Variants in PLCH1 observed in about 807,000 individuals in gnomAD.
The protein encoded by PLCH1 is 1-phosphatidylinositol 4,5-bisphosphate phosphodiesterase eta-1.
A neutral mutation model predicts 126.7 loss-of-function variants in PLCH1; 60 were observed. The observed-to-expected ratio is 0.47, with a 90% CI of 0.38 to 0.59. The LOEUF is 0.59. Among genes scored for constraint, PLCH1 ranks in the 20% least tolerant of loss-of-function variants. The probability of loss-of-function intolerance (pLI) is 0.00; values close to 1 mark genes in which losing one functional copy is unlikely to be tolerated. For missense variants in PLCH1, 1,723 were observed against 2,040.0 expected (o/e 0.84, Z 2.99); for synonymous variants, 719 against 734.9 (o/e 0.98, Z 0.35).
intron 2 of PLCH1, among the ~76,000 whole-genome samples, chr3:155,604,943 G>A (rs1214933103): frequency 2.0e-5 from 3 of 152,298 alleles, no homozygotes; most frequent in African/African-American, 7.2e-5. Context: ...CGAATCTGGT[G>A]TACTTTGTGC....
chr3:155,568,971 T>G (rs1728873018), intron 6 of PLCH1, among the ~76,000 whole-genome samples: 1 of 152,208 alleles, frequency 6.6e-6, no homozygotes, highest in South Asian at 2.1e-4. Flanking sequence ...AAGAGGTTAC[T>G]TACCTTTTCT....
chr3:155,452,312 G>T (rs1712329945), intron 21 of PLCH1, among the ~76,000 whole-genome samples: 1 of 152,110 alleles, frequency 6.6e-6, no homozygotes, highest in Non-Finnish European at 1.5e-5. Flanking sequence ...ATTGCCCCAT[G>T]CTTCAAATTA....
chr3:155,468,998 C>A (rs181259721), intron 21 of PLCH1, among the ~76,000 whole-genome samples: 8 of 152,300 alleles, frequency 5.3e-5, no homozygotes, highest in Non-Finnish European at 1.0e-4. Flanking sequence ...GGGTCATTCT[C>A]AAGGACAGAC....
rs10684622 is a variant in PLCH1 at position 155,712,994 on chromosome 3, T to TAAA, written c.-40-8733_-40-8731dup. Among the ~76,000 whole-genome samples, 1,185 of 143,016 alleles carry TAAA rather than the reference T, an allele frequency of 8.3e-3. 16 individuals are homozygous for TAAA. Among genetic ancestry groups the TAAA allele is most frequent in the African/African-American group, 0.029 (1,135 of 39,164 alleles). The allele number at this position is 143,016 out of a possible 152,430, so 93.8% of individuals were successfully genotyped here. ...CAATTTTCCATTTATATCTTGTCTT[T>TAAA]AAAAAAAAAAAAGCCCTTACAATAG... On this transcript the variant is annotated intron_variant, in intron 1 of 22. Coordinates refer to ENST00000460012, the MANE Select transcript of PLCH1 (RefSeq NM_014996.4).
intron 2 of PLCH1, among the ~76,000 whole-genome samples, chr3:155,665,188 C>A (rs1272175097): frequency 6.6e-6 from 1 of 152,112 alleles, no homozygotes; most frequent in Non-Finnish European, 1.5e-5. Context: ...AAGACAGAAG[C>A]AGCCTGGGCC....
At chr3:155,565,950 G>A (rs938900037) in intron 7 of PLCH1, among the ~76,000 whole-genome samples, 5 of 150,782 alleles carry the variant, frequency 3.3e-5, no homozygotes, top group Admixed American at 6.6e-5. Context: ...TGCCCGCCTC[G>A]GCTTCCCAAA....
chr3:155,538,567 A>C (rs1723767803), intron 10 of PLCH1, among the ~76,000 whole-genome samples: 1 of 152,186 alleles, frequency 6.6e-6, no homozygotes, highest in Admixed American at 6.5e-5. Context: ...AATGAGAGAT[A>C]TTACAACCGA....
chr3:155,485,451 G>C lies in PLCH1; in HGVS notation c.2879C>G (p.Pro960Arg), dbSNP rs1434567390. The C allele has an allele frequency of 6.2e-7, 1 of 1,614,098 alleles. No individual in the cohort carries two copies. Among genetic ancestry groups the C allele is most frequent in the Non-Finnish European group, 8.5e-7 (1 of 1,179,950 alleles). Reference protein sequence around the residue: ...RRTTRSLQARPVSMPVDRNLL... With the variant: ...RRTTRSLQARRVSMPVDRNLL... ...GTTTCTGTCAACAGGCATAGAGACA[G>C]GGCGTGCTTGCAAACTGCGTGTGGT... The change falls in exon 22 of 23, where the codon CCT becomes CGT. Residue 960 changes from proline to arginine, a missense_variant. Pro to Arg is a moderately radical substitution (Grantham distance 103). Transcript: ENST00000460012.
intron 21 of PLCH1, among the ~76,000 whole-genome samples, chr3:155,453,773 T>C (rs1712371963): frequency 6.6e-6 from 1 of 151,300 alleles, no homozygotes; most frequent in African/African-American, 2.4e-5. Context: ...AATTTATGAT[T>C]AATTTCTGAT....
At chr3:155,649,954 G>A (rs1485700808) in intron 2 of PLCH1, among the ~76,000 whole-genome samples, 1 of 151,972 alleles carries the variant, frequency 6.6e-6, no homozygotes, top group Non-Finnish European at 1.5e-5. Flanking sequence ...CTCCAGCCTG[G>A]GCGACAGAGT....
rs990629655 is a variant in PLCH1 at position 155,735,588 on chromosome 3, C to G, written c.-41+9252G>C. On this transcript the variant is annotated intron_variant, in intron 1 of 22. Transcript: ENST00000460012. Reference sequence around the variant, plus strand: ...GGCAGAGGTTGCAGTGAGCCAAGATCGCACCACTGCACTCCAGCCTGGGTG... The same window carrying G: ...GGCAGAGGTTGCAGTGAGCCAAGATGGCACCACTGCACTCCAGCCTGGGTG... Among the ~76,000 whole-genome samples the G allele has an allele frequency of 2.7e-5, 4 of 148,770 alleles. No homozygotes were observed. In the South Asian group the frequency reaches 6.4e-4, roughly 24 times the overall value.
chr3:155,546,474 T>C (rs1408290589), intron 10 of PLCH1, among the ~76,000 whole-genome samples: 1 of 152,094 alleles, frequency 6.6e-6, no homozygotes, highest in East Asian at 1.9e-4. Flanking sequence ...CAAGGTAATT[T>C]ATAGATTCAA....
In PLCH1 at chr3:155,485,537, C is replaced by T. The variant is rs766147775; in HGVS notation, c.2793G>A (p.Met931Ile). 2 of 1,614,102 alleles carry T rather than the reference C, an allele frequency of 1.2e-6. No homozygotes were observed. Among genetic ancestry groups the T allele is most frequent in the East Asian group, 4.5e-5 (2 of 44,884 alleles). The change falls in exon 22 of 23, where the codon ATG becomes ATA. Residue 931 changes from methionine (M) to isoleucine (I), a missense_variant. Met to Ile is a conservative substitution (Grantham distance 10). This residue lies in a region of PLCH1 where 947 missense variants were observed against 977.1 expected (regional missense o/e 0.97). Coordinates refer to ENST00000460012, the MANE Select transcript of PLCH1 (RefSeq NM_014996.4). ...RKKSKMGFQE[M>I]VEIKDSVSEA... The stretch of plus-strand genomic sequence containing the variant: ...CGGACACAGAATCCTTTATCTCCAC[C>T]ATTTCTTGGAAGCCCATTTTGCTCT...
intron 2 of PLCH1, among the ~76,000 whole-genome samples, chr3:155,648,677 A>T (rs2108885255): frequency 6.6e-6 from 1 of 152,352 alleles, no homozygotes; most frequent in East Asian, 1.9e-4. Flanking sequence ...GGGGTGATGG[A>T]CATGAAACAA....
At chr3:155,692,630 T>C (rs895588901) in intron 2 of PLCH1, among the ~76,000 whole-genome samples, 1 of 152,168 alleles carries the variant, frequency 6.6e-6, no homozygotes, top group African/African-American at 2.4e-5. Flanking sequence ...TACTGTTGCC[T>C]GCTTCTTGGG....
intron 2 of PLCH1, among the ~76,000 whole-genome samples, chr3:155,672,493 T>C (rs1302665689): frequency 3.3e-5 from 5 of 152,162 alleles, no homozygotes; most frequent in African/African-American, 1.2e-4. Context: ...CCTGCCCTAA[T>C]GTTACATTTG....
At chr3:155,487,900 G>A (rs558172418) in intron 21 of PLCH1, 128 bp downstream of exon 21, 1 of 625,088 alleles carries the variant, frequency 1.6e-6, no homozygotes, top group South Asian at 1.9e-5. Context: ...TGGGCTTGCT[G>A]GGCCTCCTTA....
rs143066991 is a variant in PLCH1, at chr3:155,691,081, C to T, written c.79+13065G>A. Among the ~76,000 whole-genome samples the T allele has an allele frequency of 1.8e-3, 277 of 152,252 alleles. 1 individual carries two copies. Among genetic ancestry groups the T allele is most frequent in the African/African-American group, 6.3e-3 (263 of 41,544 alleles). On this transcript the variant is annotated intron_variant, in intron 2 of 22. Transcript: ENST00000460012. ...CAGCTCTTTTAAAACACAAACCCAC[C>T]CCCTCAGCAGCTTTAAAAGAAACAA...
chr3:155,543,543 T>C (rs1429324232), intron 10 of PLCH1, among the ~76,000 whole-genome samples: 4 of 152,056 alleles, frequency 2.6e-5, no homozygotes, highest in African/African-American at 7.2e-5. Context: ...GAGAACGCCA[T>C]AAAGATACTC....
Sources: gnomAD v4.1 joint callset for allele counts (sites outside exome capture counted in the v4.1 genomes callset) on GRCh38, gnomAD v4.1.1 for gene constraint, gnomAD v4.1.1 regional missense constraint, MANE v1.5 for transcripts, NCBI Gene and HGNC (gene_info 2026-07-23, HGNC 2026-07-21) for gene names.